The following KCNAB1 variants were observed in gnomAD, a reference collection of about 807,000 sequenced individuals.
KCNAB1 encodes the protein potassium voltage-gated channel subfamily A regulatory beta subunit 1, also known as voltage-gated potassium channel subunit beta-1.
Under a neutral mutation model 64.6 loss-of-function variants are expected in KCNAB1, and 35 were observed. The ratio of observed to expected loss-of-function variants is 0.54; its 90% CI spans 0.41 to 0.72. KCNAB1 has a LOEUF of 0.72. Ranked by LOEUF, KCNAB1 falls within the 30% of genes least tolerant of loss-of-function variation. The pLI is 0.00. For synonymous variants in KCNAB1, 177 were observed against 183.8 expected (o/e 0.96, Z 0.30); for missense variants, 401 against 512.9 (o/e 0.78, Z 2.11).
At chr3:156,171,772 C>G (rs1712010256) in intron 1 of KCNAB1, among the ~76,000 whole-genome samples, 1 of 152,204 alleles carries the variant, frequency 6.6e-6, no homozygotes, top group African/African-American at 2.4e-5. Flanking sequence ...ATAACCAACT[C>G]TCTTCTCTGG....
chr3:156,325,130 A>G (rs937980586), intron 1 of KCNAB1, among the ~76,000 whole-genome samples: 1 of 152,128 alleles, frequency 6.6e-6, no homozygotes. Flanking sequence ...TCCTCACAAA[A>G]CCATGTGAGG....
intron 1 of KCNAB1, among the ~76,000 whole-genome samples, chr3:156,418,083 A>G (rs180817433): frequency 5.3e-5 from 8 of 152,356 alleles, no homozygotes; most frequent in Admixed American, 5.2e-4. Flanking sequence ...AAAAATGAAC[A>G]TGGTGAGACT....
chr3:156,465,579 G>C, intron 6 of KCNAB1, 64 bp from the exon 7 acceptor site: 8 of 1,450,022 alleles, frequency 5.5e-6, no homozygotes, highest in Non-Finnish European at 7.8e-6. Flanking sequence ...ATTCAGACCA[G>C]AGATTTAGAG....
chr3:156,437,306 G>C (rs560884935), intron 2 of KCNAB1, among the ~76,000 whole-genome samples: 3 of 152,246 alleles, frequency 2.0e-5, no homozygotes, highest in East Asian at 3.9e-4. Flanking sequence ...TTGTATTTTT[G>C]TTTGTCTTTG....
rs559411828 is a variant in KCNAB1 at position 156,146,691 on chromosome 3, A to G, written c.275+25805A>G. Among the ~76,000 whole-genome samples the G allele has an allele frequency of 1.2e-4, 18 of 152,340 alleles. No individual in the cohort carries two copies. The South Asian group carries it at 3.5e-3, about 30-fold the overall frequency. On this transcript the variant is annotated intron_variant, in intron 1 of 13. Coordinates refer to ENST00000490337, the MANE Select transcript of KCNAB1 (RefSeq NM_172160.3). ...CTATGTAGGGTGAATGTGGCTATTG[A>G]TGATATGCAAATGAGTGGGCACAGC...
At chr3:156,416,163 G>A (rs184967526) in intron 1 of KCNAB1, among the ~76,000 whole-genome samples, 198 of 152,258 alleles carry the variant, frequency 1.3e-3, no homozygotes, top group Middle Eastern at 3.4e-3. Context: ...TTTCTCATCA[G>A]GATTAACTAA....
At chr3:156,435,370 A>C (rs1716518988) in intron 2 of KCNAB1, among the ~76,000 whole-genome samples, 1 of 152,228 alleles carries the variant, frequency 6.6e-6, no homozygotes, top group Non-Finnish European at 1.5e-5. Flanking sequence ...ACTAGAAAAC[A>C]GAGGACTGTT....
At chr3:156,297,430 T>C (rs574895722) in intron 1 of KCNAB1, among the ~76,000 whole-genome samples, 2 of 152,086 alleles carry the variant, frequency 1.3e-5, no homozygotes, top group African/African-American at 4.8e-5. Context: ...TTAAGCAAGA[T>C]GTCTGCTTAC....
chr3:156,333,752 T>G (rs2108050155), intron 1 of KCNAB1, among the ~76,000 whole-genome samples: 1 of 152,346 alleles, frequency 6.6e-6, no homozygotes, highest in Non-Finnish European at 1.5e-5. Flanking sequence ...GTGATAATGT[T>G]TGAGAATGCC....
At chr3:156,312,653 C>CA (rs1721986396) in intron 1 of KCNAB1, among the ~76,000 whole-genome samples, 1 of 99,198 alleles carries the variant, frequency 1.0e-5, no homozygotes, top group African/African-American at 6.0e-5. Context: ...TGGAGGTTGC[C>CA]AAGATAGCAT....
chr3:156,381,063 T>C (rs879891751), intron 1 of KCNAB1, among the ~76,000 whole-genome samples: 1 of 152,188 alleles, frequency 6.6e-6, no homozygotes, highest in African/African-American at 2.4e-5. Context: ...ACTGTAAGCG[T>C]ATATCAAAGC....
chr3:156,274,053 A>G (rs536329824), intron 1 of KCNAB1, among the ~76,000 whole-genome samples: 10 of 152,342 alleles, frequency 6.6e-5, no homozygotes, highest in Admixed American at 5.9e-4. Flanking sequence ...CAAAAAATGC[A>G]TATGGATGTT....
intron 8 of KCNAB1, among the ~76,000 whole-genome samples, chr3:156,489,250 G>A (rs1030435825): frequency 6.6e-6 from 1 of 152,084 alleles, no homozygotes; most frequent in East Asian, 1.9e-4. Flanking sequence ...AGAAAGAAAG[G>A]ACTGAGGACT....
chr3:156,259,910 A>G (rs1471845849), intron 1 of KCNAB1, among the ~76,000 whole-genome samples: 1 of 152,168 alleles, frequency 6.6e-6, no homozygotes, highest in Non-Finnish European at 1.5e-5. Context: ...CTGCTCTGCC[A>G]TCTCTGCGTG....
At chr3:156,182,695 ATTTTT>A (rs10624040) in intron 1 of KCNAB1, among the ~76,000 whole-genome samples, 1 of 132,720 alleles carries the variant, frequency 7.5e-6, no homozygotes, top group African/African-American at 2.8e-5. Flanking sequence ...AAGTAAGACA[ATTTTT>A]TTTTTTTTTT....
chr3:156,156,658 C>G (rs1300199423), intron 1 of KCNAB1, among the ~76,000 whole-genome samples: 5 of 152,052 alleles, frequency 3.3e-5, no homozygotes, highest in Non-Finnish European at 7.4e-5. Flanking sequence ...ACAAGTTGCC[C>G]TTAAATTAGA....
chr3:156,402,414 C>T (rs1052047780), intron 1 of KCNAB1, among the ~76,000 whole-genome samples: 1 of 152,026 alleles, frequency 6.6e-6, no homozygotes, highest in Non-Finnish European at 1.5e-5. Flanking sequence ...GTGTTTTCAT[C>T]GAAAATGTCT....
chr3:156,296,696 A>G (rs1720808576), intron 1 of KCNAB1, among the ~76,000 whole-genome samples: 1 of 151,884 alleles, frequency 6.6e-6, no homozygotes, highest in Admixed American at 6.6e-5. Context: ...GATGATCTCA[A>G]TCTCCTGACC....
chr3:156,171,661 G>A lies in KCNAB1; in HGVS notation c.275+50775G>A, dbSNP rs553180489. Among the ~76,000 whole-genome samples, 138 of 152,254 alleles carry A rather than the reference G, an allele frequency of 9.1e-4. 1 individual carries two copies. The highest frequency in any genetic ancestry group is 6.8e-3 in the South Asian group (33 of 4,818). The stretch of plus-strand genomic sequence containing the variant: ...CCAATTGCAAGAAAGAGTCCAATGC[G>A]AATGTACTGTGCTGTTCAAAGTGTT... On this transcript the variant is annotated intron_variant, in intron 1 of 13. Coordinates refer to ENST00000490337, the MANE Select transcript of KCNAB1 (RefSeq NM_172160.3).
Sources: allele counts gnomAD v4.1 joint callset (sites outside exome capture counted in the v4.1 genomes callset), GRCh38; gene constraint gnomAD v4.1.1; transcripts MANE v1.5; gene names NCBI Gene and HGNC (gene_info 2026-07-23, HGNC 2026-07-21).